Variants in ANKFN1 observed in about 807,000 individuals in gnomAD.
ANKFN1 encodes the protein ankyrin repeat and fibronectin type-III domain-containing protein 1.
ANKFN1 carries 74 observed loss-of-function variants against 108.7 expected under a neutral mutation model. The ratio of observed to expected loss-of-function variants is 0.68; its 90% CI spans 0.56 to 0.83. ANKFN1 has a LOEUF of 0.83. ANKFN1 is among the 40% of genes least tolerant of loss of function. The pLI is 0.00. For synonymous variants in ANKFN1, 547 were observed against 516.2 expected, an observed-to-expected ratio of 1.06 and a Z score of -0.81; for missense variants, 1,505 against 1,382.3, an observed-to-expected ratio of 1.09 and a Z score of -1.41.
intron 8 of ANKFN1, among the ~76,000 whole-genome samples, chr17:56,428,469 T>C (rs1257048734): frequency 1.3e-5 from 2 of 150,830 alleles, no homozygotes; most frequent in African/African-American, 2.4e-5. Context: ...TTTCTTTTTT[T>C]TTTTTTTTTG....
intron 8 of ANKFN1, among the ~76,000 whole-genome samples, chr17:56,397,260 G>A (rs1357232281): frequency 6.6e-6 from 1 of 152,102 alleles, no homozygotes; most frequent in East Asian, 1.9e-4. Flanking sequence ...AAACAGGATG[G>A]GCTGCCTACA....
intron 3 of ANKFN1, among the ~76,000 whole-genome samples, chr17:56,275,708 T>C (rs1356599502): frequency 2.6e-5 from 4 of 152,208 alleles, no homozygotes; most frequent in Middle Eastern, 3.4e-3. Context: ...CTTGAAAACA[T>C]TGGGGAGCAC....
At chr17:56,116,969 T>A (rs962129316) in intron 4 of ANKFN1, among the ~76,000 whole-genome samples, 1 of 152,098 alleles carries the variant, frequency 6.6e-6, no homozygotes, top group African/African-American at 2.4e-5. Context: ...CTGTGAAAAT[T>A]TATCAATTAT....
chr17:56,187,322 G>A (rs1312685234), intron 1 of ANKFN1, among the ~76,000 whole-genome samples: 7 of 152,138 alleles, frequency 4.6e-5, no homozygotes, highest in African/African-American at 1.2e-4. Flanking sequence ...GGAGCCAACA[G>A]ACACATGAAA....
intron 3 of ANKFN1, among the ~76,000 whole-genome samples, chr17:56,258,852 A>G (rs1205921647): frequency 6.6e-6 from 1 of 152,142 alleles, no homozygotes; most frequent in African/African-American, 2.4e-5. Context: ...CGGAGCTTGC[A>G]GTGAGCCAAG....
chr17:56,207,565 C>A (rs535172128), intron 1 of ANKFN1, among the ~76,000 whole-genome samples: 2 of 152,270 alleles, frequency 1.3e-5, no homozygotes, highest in East Asian at 3.9e-4. Flanking sequence ...GAACATTCAT[C>A]TCTGCCACCT....
At chr17:56,122,599 C>G (rs1906691633) in intron 4 of ANKFN1, among the ~76,000 whole-genome samples, 2 of 152,216 alleles carry the variant, frequency 1.3e-5, no homozygotes, top group South Asian at 4.1e-4. Flanking sequence ...ATCCCCTACT[C>G]CCTTCTTCTG....
intron 2 of ANKFN1, among the ~76,000 whole-genome samples, chr17:56,220,659 A>G (rs1362997506): frequency 1.3e-5 from 2 of 151,296 alleles, no homozygotes; most frequent in East Asian, 3.9e-4. Context: ...CTATCTAAAA[A>G]GAAAGAAAGA....
Position 56,226,167 on chromosome 17 carries a change from C to A in ANKFN1, c.13-1750C>A, listed in dbSNP as rs544517236. On this transcript the variant is annotated intron_variant, in intron 2 of 20. Coordinates refer to ENST00000682825, the MANE Select transcript of ANKFN1 (RefSeq NM_001370326.1). The stretch of plus-strand genomic sequence containing the variant: ...GTCAGGTTGTGATCAGAACAGTGTT[C>A]CAGTTAGTGCCACATGTGAGATCTT... 2.9e-4 allele frequency among the ~76,000 whole-genome samples: 44 copies of A among 152,092 alleles called. 2 individuals are homozygous for A. The East Asian group carries it at 3.9e-3, about 13-fold the overall frequency.
At chr17:56,165,331 T>C (rs1910047533) in intron 1 of ANKFN1, among the ~76,000 whole-genome samples, 1 of 152,182 alleles carries the variant, frequency 6.6e-6, no homozygotes, top group African/African-American at 2.4e-5. Context: ...TACTTGCTAT[T>C]ACATAGACTG....
At chr17:56,453,333 T>G (rs894584406) in intron 11 of ANKFN1, among the ~76,000 whole-genome samples, 13 of 152,224 alleles carry the variant, frequency 8.5e-5, no homozygotes, top group African/African-American at 2.7e-4. Context: ...ATGATTATTT[T>G]CCTTTCCTGG....
rs1398598722 is a variant in ANKFN1 at position 56,512,496 on chromosome 17, C to T, written c.*1227C>T. Among the ~76,000 whole-genome samples, 1 of 152,220 alleles carries T rather than the reference C, an allele frequency of 6.6e-6. No individual in the cohort carries two copies. Among genetic ancestry groups the T allele is most frequent in the African/African-American group, 2.4e-5 (1 of 41,460 alleles). ...GTGCTAAAAACATCTGGAAATCTTG[C>T]TTTGGTCTCATTACCTCCTATCTGA... is the stretch of plus-strand genomic sequence containing the variant. On this transcript the variant is annotated 3_prime_UTR_variant, in exon 21 of 21. Transcript: ENST00000682825.
intron 4 of ANKFN1, among the ~76,000 whole-genome samples, chr17:56,348,752 C>T (rs1273313858): frequency 6.6e-6 from 1 of 152,050 alleles, no homozygotes; most frequent in Non-Finnish European, 1.5e-5. Context: ...AGATTCTGGC[C>T]AGATTGTGGA....
At chr17:56,097,211 C>G (rs142770079) in intron 4 of ANKFN1, among the ~76,000 whole-genome samples, 47 of 152,266 alleles carry the variant, frequency 3.1e-4, no homozygotes, top group African/African-American at 1.1e-3. Flanking sequence ...ATATAACAAA[C>G]CTGCACATGT....
chr17:56,383,822 A>T (rs1198610117), intron 8 of ANKFN1, among the ~76,000 whole-genome samples: 2 of 152,240 alleles, frequency 1.3e-5, no homozygotes, highest in East Asian at 3.8e-4. Flanking sequence ...AGGCTCTGAA[A>T]TTGTGGCAAT....
chr17:56,464,954 GC>G (rs2050026199), intron 14 of ANKFN1, among the ~76,000 whole-genome samples: 1 of 152,168 alleles, frequency 6.6e-6, no homozygotes, highest in South Asian at 2.1e-4. Flanking sequence ...ACCTGTACTG[GC>G]CCGAGAGAGC....
Position 56,382,818 on chromosome 17 carries a change from G to T in ANKFN1, c.910+8104G>T, listed in dbSNP as rs1281081004. ...TATGCACCCAATACAGGAGCACCCA[G>T]ATTCATAAAGCAAGTCCTGAGTGAC... On this transcript the variant is annotated intron_variant, in intron 8 of 20. Coordinates refer to ENST00000682825, the MANE Select transcript of ANKFN1 (RefSeq NM_001370326.1). Among the ~76,000 whole-genome samples, 8 of 152,168 alleles carry T rather than the reference G, an allele frequency of 5.3e-5. No homozygotes were observed. In the South Asian group the frequency reaches 1.7e-3, roughly 31 times the overall value.
chr17:56,251,394 A>G (rs2043232423), intron 3 of ANKFN1, among the ~76,000 whole-genome samples: 1 of 152,240 alleles, frequency 6.6e-6, no homozygotes, highest in South Asian at 2.1e-4. Context: ...CTCTGACAAC[A>G]CAATATCTGA....
intron 8 of ANKFN1, among the ~76,000 whole-genome samples, chr17:56,439,304 CAG>C (rs144916702): frequency 0.013 from 2,010 of 152,232 alleles, 46 homozygotes; most frequent in East Asian, 0.091. Flanking sequence ...AGTTTAGAAA[CAG>C]AGGCCTTGCT....
Sources: gnomAD v4.1 joint callset for allele counts (sites outside exome capture counted in the v4.1 genomes callset) on GRCh38, gnomAD v4.1.1 for gene constraint, MANE v1.5 for transcripts, NCBI Gene and HGNC (gene_info 2026-07-23, HGNC 2026-07-21) for gene names.